The following ARHGAP6 variants were observed in gnomAD, a reference collection of about 807,000 sequenced individuals.
ARHGAP6 encodes Rho GTPase activating protein 6, also known as rho GTPase-activating protein 6.
Under a neutral mutation model 55.7 loss-of-function variants are expected in ARHGAP6, and 16 were observed. That is an observed-to-expected ratio of 0.29 (90% CI 0.19 to 0.44). The LOEUF (loss-of-function observed/expected upper bound fraction) is 0.44, where lower values mean the gene tolerates loss of function less well. Ranked by LOEUF, ARHGAP6 falls within the 20% of genes least tolerant of loss-of-function variation. The probability of loss-of-function intolerance (pLI) is 1.00; values close to 1 mark genes in which losing one functional copy is unlikely to be tolerated. For missense variants in ARHGAP6, 698 were observed against 808.9 expected, an observed-to-expected ratio of 0.86 and a Z score of 1.66; for synonymous variants, 382 against 360.9, an observed-to-expected ratio of 1.06 and a Z score of -0.66.
chrX:11,662,109 G>T (rs1166697941), intron 1 of ARHGAP6, among the ~76,000 whole-genome samples: 1 of 112,112 alleles, frequency 8.9e-6, no homozygotes. Flanking sequence ...AAGCAGCCTT[G>T]CAAGATGCTC....
chrX:11,456,427 A>G (rs1242803747), intron 1 of ARHGAP6, among the ~76,000 whole-genome samples: 3 of 112,070 alleles, frequency 2.7e-5, no homozygotes, highest in Admixed American at 9.5e-5. Flanking sequence ...GCCCTGCCCA[A>G]TGTCATTAAA....
At chrX:11,574,216 C>T (rs2051567897) in intron 1 of ARHGAP6, among the ~76,000 whole-genome samples, 1 of 111,640 alleles carries the variant, frequency 9.0e-6, no homozygotes, top group African/African-American at 3.3e-5. Context: ...TCCTCCCTAA[C>T]TCATTTTATG....
intron 2 of ARHGAP6, among the ~76,000 whole-genome samples, chrX:11,241,353 T>C (rs900916204): frequency 9.9e-5 from 11 of 111,179 alleles, no homozygotes; most frequent in African/African-American, 3.6e-4. Flanking sequence ...CTAAGCATTC[T>C]ATTGGTGAAA....
intron 1 of ARHGAP6, among the ~76,000 whole-genome samples, chrX:11,306,193 C>A (rs376867601): frequency 3.6e-5 from 4 of 112,221 alleles, no homozygotes; most frequent in Admixed American, 9.4e-5. Flanking sequence ...CCATCAATGA[C>A]CAACACCTCA....
chrX:11,345,461 A>T (rs2048768277), intron 1 of ARHGAP6, among the ~76,000 whole-genome samples: 1 of 112,831 alleles, frequency 8.9e-6, no homozygotes, highest in African/African-American at 3.2e-5. Flanking sequence ...TAACAAATAC[A>T]TAGATACTTG....
At chrX:11,323,970 C>G (rs1272727351) in intron 1 of ARHGAP6, among the ~76,000 whole-genome samples, 1 of 109,849 alleles carries the variant, frequency 9.1e-6, no homozygotes, top group Admixed American at 9.7e-5. Flanking sequence ...AAAAATTCAT[C>G]TTGTTCATGC....
At chrX:11,311,860 G>A (rs936312388) in intron 1 of ARHGAP6, among the ~76,000 whole-genome samples, 8 of 111,242 alleles carry the variant, frequency 7.2e-5, no homozygotes, top group African/African-American at 2.0e-4. Context: ...AAAGTGGGGG[G>A]AAATCAAAGG....
intron 10 of ARHGAP6, among the ~76,000 whole-genome samples, chrX:11,153,684 G>C (rs949802962): frequency 3.6e-5 from 4 of 110,438 alleles, no homozygotes; most frequent in African/African-American, 6.6e-5. Flanking sequence ...TCCTTGGCCT[G>C]TACCTAGAGG....
chrX:11,497,821 A>G (rs1427373571), intron 1 of ARHGAP6, among the ~76,000 whole-genome samples: 1 of 110,392 alleles, frequency 9.1e-6, no homozygotes, highest in Non-Finnish European at 1.9e-5. Context: ...TTGAACAACA[A>G]AACTCTAGAG....
At chrX:11,480,853 A>T (rs1229980838) in intron 1 of ARHGAP6, among the ~76,000 whole-genome samples, 4 of 111,467 alleles carry the variant, frequency 3.6e-5, no homozygotes, top group Non-Finnish European at 3.8e-5. Flanking sequence ...TGCATCCTGT[A>T]CCTCTGCTGT....
chrX:11,646,400 C>T (rs983251612), intron 1 of ARHGAP6, among the ~76,000 whole-genome samples: 2 of 111,260 alleles, frequency 1.8e-5, no homozygotes, highest in Non-Finnish European at 3.8e-5. Flanking sequence ...GGAACATTGC[C>T]TAGAACAGGA....
chrX:11,516,718 C>T (rs963466139), intron 1 of ARHGAP6, among the ~76,000 whole-genome samples: 3 of 111,735 alleles, frequency 2.7e-5, no homozygotes, highest in Non-Finnish European at 5.6e-5. Flanking sequence ...TCTTTTGAAA[C>T]ATATTTTGTA....
chrX:11,648,896 G>A (rs2052556438), intron 1 of ARHGAP6, among the ~76,000 whole-genome samples: 1 of 112,018 alleles, frequency 8.9e-6, no homozygotes, highest in East Asian at 2.8e-4. Flanking sequence ...GACTGACGTT[G>A]TGTGCTGCTA....
At chrX:11,336,966 G>C (rs753108350) in intron 1 of ARHGAP6, among the ~76,000 whole-genome samples, 18 of 111,035 alleles carry the variant, frequency 1.6e-4, no homozygotes, top group African/African-American at 5.6e-4. Flanking sequence ...CACCGGGTCA[G>C]TTTACTTCAC....
At chrX:11,162,699 T>TCTC (rs1469328238) in intron 9 of ARHGAP6, among the ~76,000 whole-genome samples, 1 of 102,598 alleles carries the variant, frequency 9.7e-6, no homozygotes, top group East Asian at 2.8e-4. Flanking sequence ...TAGATGTTTC[T>TCTC]CTCTACTTAT....
intron 1 of ARHGAP6, among the ~76,000 whole-genome samples, chrX:11,327,264 TC>T (rs2147627905): frequency 8.9e-6 from 1 of 112,494 alleles, no homozygotes; most frequent in South Asian, 3.7e-4. Flanking sequence ...TGACATTCAT[TC>T]CTGCTAAGAA....
intron 1 of ARHGAP6, among the ~76,000 whole-genome samples, chrX:11,402,774 G>T (rs1241263113): frequency 8.9e-6 from 1 of 111,740 alleles, no homozygotes; most frequent in Non-Finnish European, 1.9e-5. Flanking sequence ...AGGTGTTCTG[G>T]GGAATAATTG....
At chrX:11,429,132 A>G (rs1008297009) in intron 1 of ARHGAP6, among the ~76,000 whole-genome samples, 5 of 112,891 alleles carry the variant, frequency 4.4e-5, no homozygotes, top group Non-Finnish European at 7.5e-5. Context: ...ATTCAGCAAT[A>G]AAAAGGAAAA....
intron 1 of ARHGAP6, among the ~76,000 whole-genome samples, chrX:11,325,901 T>A (rs2048491010): frequency 9.0e-6 from 1 of 111,205 alleles, no homozygotes; most frequent in Non-Finnish European, 1.9e-5. Flanking sequence ...GGCATCCTGC[T>A]CAACATTCTG....
Sources: gnomAD v4.1 joint callset for allele counts (sites outside exome capture counted in the v4.1 genomes callset) on GRCh38, gnomAD v4.1.1 for gene constraint, MANE v1.5 for transcripts, NCBI Gene and HGNC (gene_info 2026-07-23, HGNC 2026-07-21) for gene names.